CCNB3: variants seen among roughly 807,000 people sequenced by gnomAD.
CCNB3 encodes the protein G2/mitotic-specific cyclin-B3.
A neutral mutation model predicts 68.0 loss-of-function variants in CCNB3; 12 were observed. The ratio of observed to expected loss-of-function variants is 0.18; its 90% CI spans 0.11 to 0.29. The LOEUF is 0.29. Among genes scored for constraint, CCNB3 ranks in the 10% least tolerant of loss-of-function variants. The probability of loss-of-function intolerance (pLI) is 1.00; values close to 1 mark genes in which losing one functional copy is unlikely to be tolerated. For synonymous variants in CCNB3, 354 were observed against 388.9 expected, an observed-to-expected ratio of 0.91 and a Z score of 1.06; for missense variants, 904 against 993.1, an observed-to-expected ratio of 0.91 and a Z score of 1.21.
At chrX:50,288,469 C>T (rs1037746826) in intron 3 of CCNB3, among the ~76,000 whole-genome samples, 1 of 110,833 alleles carries the variant, frequency 9.0e-6, no homozygotes, top group African/African-American at 3.3e-5. Flanking sequence ...ATAGGATAAC[C>T]GTAAGTATGA....
intron 9 of CCNB3, among the ~76,000 whole-genome samples, chrX:50,345,818 C>T (rs1923376407): frequency 8.9e-6 from 1 of 112,172 alleles, no homozygotes; most frequent in South Asian, 3.7e-4. Flanking sequence ...GCCGTGTGAA[C>T]CTGAGCACAT....
intron 1 of CCNB3, among the ~76,000 whole-genome samples, chrX:50,228,599 TATATATAGA>T (rs1241199307): frequency 1.9e-4 from 16 of 85,057 alleles, no homozygotes; most frequent in East Asian, 1.7e-3. Flanking sequence ...ATATAGATAA[TATATATAGA>T]ATATATAGAA....
At chrX:50,279,349 A>G (rs1348569304) in intron 1 of CCNB3, among the ~76,000 whole-genome samples, 1 of 76,920 alleles carries the variant, frequency 1.3e-5, no homozygotes, top group East Asian at 3.8e-4. Flanking sequence ...ATATATATGA[A>G]TATAGGATAT....
chrX:50,325,824 C>A (rs956381425), intron 8 of CCNB3, among the ~76,000 whole-genome samples: 23 of 111,625 alleles, frequency 2.1e-4, no homozygotes, highest in African/African-American at 7.5e-4. Flanking sequence ...TTTCTCCTAA[C>A]TCTGTGGGGT....
chrX:50,279,526 T>C (rs1936049752), intron 1 of CCNB3, among the ~76,000 whole-genome samples: 1 of 84,292 alleles, frequency 1.2e-5, no homozygotes, highest in South Asian at 5.4e-4. Context: ...CATATAAAGA[T>C]ATATGAATAT....
intron 1 of CCNB3, among the ~76,000 whole-genome samples, chrX:50,228,171 TATAA>T (rs1266997400): frequency 1.1e-5 from 1 of 92,091 alleles, no homozygotes; most frequent in African/African-American, 3.9e-5. Flanking sequence ...AGAATGCATA[TATAA>T]ATACATATAC....
intron 4 of CCNB3, among the ~76,000 whole-genome samples, chrX:50,294,409 A>T (rs1557210524): frequency 9.0e-6 from 1 of 111,722 alleles, no homozygotes; most frequent in African/African-American, 3.3e-5. Context: ...GGATAGATAT[A>T]TCACAGGTAG....
Position 50,310,273 on chromosome X carries a change from G to A in CCNB3, c.2104G>A (p.Ala702Thr), listed in dbSNP as rs868925729. ...EALVLQEKTD[A>T]EEDSLKNLLA... ...TTTGGTCTTGCAAGAGAAGACTGAT[G>A]CCGAAGAGGATTCCTTGAAGAACTT... Residue 702 changes from alanine to threonine, a missense_variant, in exon 6 of 13, where the codon GCC (alanine) becomes ACC (threonine). Transcript: ENST00000376042. 8 of 1,209,795 alleles carry A rather than the reference G, an allele frequency of 6.6e-6. No homozygotes were observed. In the Admixed American group the frequency reaches 1.1e-4, roughly 17 times the overall value.
rs1000333513 is a variant in CCNB3 at position 50,215,193 on chromosome X, G to A, written c.-113+10243G>A. Reference sequence around the variant, plus strand: ...TTTAGTAGAGACAGCGTTACACTGTGTTAGCCAGGATGGTCTGGATCTCCT... The same window carrying A: ...TTTAGTAGAGACAGCGTTACACTGTATTAGCCAGGATGGTCTGGATCTCCT... On this transcript the variant is annotated intron_variant, in intron 1 of 12. Transcript: ENST00000376042. 6.4e-5 allele frequency among the ~76,000 whole-genome samples: 7 copies of A among 109,720 alleles called. No homozygotes were observed. The South Asian group carries it at 2.8e-3, about 43-fold the overall frequency.
intron 3 of CCNB3, among the ~76,000 whole-genome samples, chrX:50,287,769 C>G (rs781842457): frequency 1.4e-4 from 16 of 110,440 alleles, no homozygotes; most frequent in Non-Finnish European, 2.8e-4. Flanking sequence ...AAACGGGTCC[C>G]CAACCCCTGG....
chrX:50,341,978 C>G (rs944076226), intron 8 of CCNB3: 2 of 348,754 alleles, frequency 5.7e-6, no homozygotes, highest in Non-Finnish European at 1.0e-5. Flanking sequence ...ATTTGTAAGG[C>G]TGGTCAACTA....
intron 8 of CCNB3, among the ~76,000 whole-genome samples, chrX:50,340,872 A>G (rs910954171): frequency 8.9e-6 from 1 of 111,810 alleles, no homozygotes; most frequent in Non-Finnish European, 1.9e-5. Context: ...GTACAAATAC[A>G]TGGACATTAA....
chrX:50,294,535 C>T (rs1426158546), intron 4 of CCNB3, among the ~76,000 whole-genome samples: 13 of 111,414 alleles, frequency 1.2e-4, no homozygotes, highest in Non-Finnish European at 2.4e-4. Context: ...GATGTTAACA[C>T]GGCATATTTT....
At chrX:50,300,336 C>G (rs4360425) in intron 5 of CCNB3, among the ~76,000 whole-genome samples, 3,852 of 111,151 alleles carry the variant, frequency 0.035, 76 homozygotes, top group Middle Eastern at 0.093. Flanking sequence ...CTGGTGGTGA[C>G]AAAATCTCTC....
intron 1 of CCNB3, among the ~76,000 whole-genome samples, chrX:50,227,068 CAAATAT>C (rs1935864432): frequency 1.4e-5 from 1 of 69,103 alleles, no homozygotes; most frequent in African/African-American, 6.0e-5. Context: ...AATATATATA[CAAATAT>C]AAAGAATATA....
intron 1 of CCNB3, among the ~76,000 whole-genome samples, chrX:50,280,382 A>T (rs1366370282): frequency 1.9e-5 from 2 of 106,490 alleles, no homozygotes; most frequent in East Asian, 5.8e-4. Context: ...ATGTTTGTTA[A>T]ACAAACTAAT....
chrX:50,332,535 C>T (rs1209940921), intron 8 of CCNB3, among the ~76,000 whole-genome samples: 7 of 111,615 alleles, frequency 6.3e-5, no homozygotes, highest in Non-Finnish European at 1.3e-4. Context: ...CCTCATGCTT[C>T]GGCTGTGCGT....
intron 1 of CCNB3, among the ~76,000 whole-genome samples, chrX:50,209,765 A>G (rs1399792097): frequency 2.1e-3 from 235 of 112,068 alleles, no homozygotes; most frequent in Middle Eastern, 4.6e-3. Context: ...TTCTTTGTCA[A>G]TCTTGCTAGA....
At chrX:50,317,878 A>C (rs1921816947) in intron 8 of CCNB3, among the ~76,000 whole-genome samples, 1 of 110,912 alleles carries the variant, frequency 9.0e-6, no homozygotes, top group African/African-American at 3.3e-5. Flanking sequence ...CTTCTTTCCT[A>C]TATTTTATCT....
Sources: gnomAD v4.1 joint callset for allele counts (sites outside exome capture counted in the v4.1 genomes callset) on GRCh38, gnomAD v4.1.1 for gene constraint, MANE v1.5 for transcripts, NCBI Gene and HGNC (gene_info 2026-07-23, HGNC 2026-07-21) for gene names.